AFF3: variants seen among roughly 807,000 people sequenced by gnomAD.
AFF3 encodes the protein AF4/FMR2 family member 3.
In AFF3, 32 loss-of-function variants were observed where a neutral mutation model predicts 129.7. That is an observed-to-expected ratio of 0.25 (90% CI 0.19 to 0.33). The LOEUF is 0.33. Ranked by LOEUF, AFF3 falls within the 10% of genes least tolerant of loss-of-function variation. The pLI, the probability that AFF3 is intolerant of heterozygous loss-of-function variation, is 1.00. For synonymous variants in AFF3, 644 were observed against 635.4 expected (o/e 1.01, Z -0.20); for missense variants, 1,373 against 1,592.0 (o/e 0.86, Z 2.34).
chr2:99,821,536 G>A (rs766115219), intron 8 of AFF3, among the ~76,000 whole-genome samples: 21 of 152,098 alleles, frequency 1.4e-4, no homozygotes, highest in Non-Finnish European at 2.8e-4. Flanking sequence ...TTTTAAAAAA[G>A]TTTACGAATT....
intron 8 of AFF3, among the ~76,000 whole-genome samples, chr2:99,817,755 T>G (rs1687354353): frequency 6.6e-6 from 1 of 152,174 alleles, no homozygotes; most frequent in African/African-American, 2.4e-5. Flanking sequence ...ACAACTAGCC[T>G]GGGTCAAGCA....
intron 13 of AFF3, among the ~76,000 whole-genome samples, chr2:99,637,592 G>A (rs1174418899): frequency 1.3e-5 from 2 of 152,102 alleles, no homozygotes; most frequent in African/African-American, 2.4e-5. Context: ...TAACAGAACC[G>A]ACCACCAATT....
intron 4 of AFF3, among the ~76,000 whole-genome samples, chr2:100,094,297 C>T (rs1690107313): frequency 6.6e-6 from 1 of 151,984 alleles, no homozygotes; most frequent in Admixed American, 6.6e-5. Flanking sequence ...AATGTAGAAT[C>T]AGTGGGAGCC....
chr2:100,032,883 TATAAGTA>T, intron 4 of AFF3, among the ~76,000 whole-genome samples: 1 of 152,350 alleles, frequency 6.6e-6, no homozygotes. Context: ...AATTATTTAT[TATAAGTA>T]ATGAGTAATT....
intron 8 of AFF3, among the ~76,000 whole-genome samples, chr2:99,788,834 A>T (rs1221801514): frequency 6.6e-6 from 1 of 152,164 alleles, no homozygotes; most frequent in Non-Finnish European, 1.5e-5. Flanking sequence ...TACTATTTTT[A>T]AAAAATCTTT....
chr2:99,737,397 T>C (rs1680345589), intron 10 of AFF3, among the ~76,000 whole-genome samples: 1 of 152,114 alleles, frequency 6.6e-6, no homozygotes, highest in African/African-American at 2.4e-5. Flanking sequence ...GATTTACTGG[T>C]GGCATACTTT....
In AFF3 at chr2:99,844,434, C is replaced by CTTTTTTTT. The variant is rs984233053; in HGVS notation, c.874-6918_874-6911dup. Among the ~76,000 whole-genome samples, 273 of 92,448 alleles carry CTTTTTTTT rather than the reference C, an allele frequency of 3.0e-3. 1 individual carries two copies. The highest frequency in any genetic ancestry group is 3.4e-3 in the Non-Finnish European group (174 of 50,996). 60.6% of individuals were successfully genotyped at this position (92,448 alleles called of 152,430 possible). A position where few individuals can be genotyped will look rare whatever the true frequency, so the allele number is the denominator to read the frequency against. Reference sequence around the variant, plus strand: ...CAATACGAGAACTATTTTTTCTTTTCTTTTTTTTTTTTTTTTTTTTTGAGA... The same window carrying CTTTTTTTT: ...CAATACGAGAACTATTTTTTCTTTTCTTTTTTTTTTTTTTTTTTTTTTTTTTTTTGAGA... On this transcript the variant is annotated intron_variant, in intron 7 of 24. Coordinates refer to ENST00000672756, the MANE Select transcript of AFF3 (RefSeq NM_001386135.1).
At chr2:99,775,925 G>A (rs1354507348) in intron 8 of AFF3, among the ~76,000 whole-genome samples, 3 of 152,142 alleles carry the variant, frequency 2.0e-5, no homozygotes, top group East Asian at 3.8e-4. Context: ...AAGGAAACAA[G>A]TCAATACCCA....
At chr2:100,077,224 G>C (rs376769026) in intron 4 of AFF3, among the ~76,000 whole-genome samples, 1 of 152,254 alleles carries the variant, frequency 6.6e-6, no homozygotes, top group East Asian at 1.9e-4. Context: ...ACTCCAGCCT[G>C]GGCGACAGTG....
At chr2:99,578,240 G>A in intron 18 of AFF3, 87 bp downstream of exon 18, 3 of 1,467,618 alleles carry the variant, frequency 2.0e-6, no homozygotes, top group Non-Finnish European at 1.8e-6. Context: ...GCTGAAGGTG[G>A]CCACACCAAG....
chr2:100,030,046 G>A (rs752511065), intron 4 of AFF3, among the ~76,000 whole-genome samples: 9 of 150,498 alleles, frequency 6.0e-5, no homozygotes, highest in South Asian at 2.1e-4. Flanking sequence ...CATCCTGGGC[G>A]AGAGAGCAAG....
intron 8 of AFF3, among the ~76,000 whole-genome samples, chr2:99,804,145 C>G (rs1686165663): frequency 6.6e-6 from 1 of 152,180 alleles, no homozygotes; most frequent in South Asian, 2.1e-4. Flanking sequence ...TCAGAGCAAA[C>G]AGACAACCCA....
Position 99,750,413 on chromosome 2 carries a change from C to CT in AFF3, c.1002+1807dup, listed in dbSNP as rs1491187155. 2.2e-3 allele frequency among the ~76,000 whole-genome samples: 22 copies of CT among 10,220 alleles called. 1 individual carries two copies. In the South Asian group the frequency reaches 0.07, roughly 33 times the overall value. The allele number at this position is 10,220 out of a possible 152,430, so 6.7% of individuals were successfully genotyped here. A position where few individuals can be genotyped will look rare whatever the true frequency, so the allele number is the denominator to read the frequency against. ...TATGTAAAAAGTACTTTTTTTTTTT[C>CT]TTTTCTTTTTTTTTTTTTTGAGACA... On this transcript the variant is annotated intron_variant, in intron 9 of 24. Coordinates refer to ENST00000672756, the MANE Select transcript of AFF3 (RefSeq NM_001386135.1).
At chr2:99,904,353 C>T (rs931611150) in intron 7 of AFF3, among the ~76,000 whole-genome samples, 6 of 151,570 alleles carry the variant, frequency 4.0e-5, no homozygotes, top group Middle Eastern at 3.5e-3. Context: ...TCATTTCTAA[C>T]GGTTGAATAG....
At chr2:99,607,604 C>G (rs1413605166) in intron 13 of AFF3, among the ~76,000 whole-genome samples, 2 of 152,068 alleles carry the variant, frequency 1.3e-5, no homozygotes, top group Admixed American at 1.3e-4. Flanking sequence ...TCCTGCCTGC[C>G]AAGTGTATTG....
intron 12 of AFF3, among the ~76,000 whole-genome samples, chr2:99,663,826 C>T (rs913792497): frequency 2.6e-5 from 4 of 152,212 alleles, no homozygotes; most frequent in African/African-American, 4.8e-5. Flanking sequence ...ATGTATTTGT[C>T]ATCTCCGAAA....
chr2:99,872,594 AAAAATAAAATAAAAT>A (rs369133072), intron 7 of AFF3, among the ~76,000 whole-genome samples: 4,624 of 127,604 alleles, frequency 0.036, 113 homozygotes, highest in Non-Finnish European at 0.045. Flanking sequence ...TGCTTCTTAC[AAAAATAAAATAAAAT>A]AAAATAAAAT....
intron 17 of AFF3, among the ~76,000 whole-genome samples, chr2:99,579,298 G>A (rs1481481645): frequency 6.6e-6 from 1 of 151,746 alleles, no homozygotes; most frequent in Non-Finnish European, 1.5e-5. Context: ...CCAGCTACTC[G>A]GGAGGCTGAG....
intron 7 of AFF3, among the ~76,000 whole-genome samples, chr2:99,913,444 A>G (rs1695244097): frequency 6.6e-6 from 1 of 152,202 alleles, no homozygotes; most frequent in Non-Finnish European, 1.5e-5. Context: ...TTTCTATTAG[A>G]TAGATTGGTA....
Sources: gnomAD v4.1 joint callset for allele counts (sites outside exome capture counted in the v4.1 genomes callset) on GRCh38, gnomAD v4.1.1 for gene constraint, MANE v1.5 for transcripts, NCBI Gene and HGNC (gene_info 2026-07-23, HGNC 2026-07-21) for gene names.